CA5B: variants seen among roughly 807,000 people sequenced by gnomAD.
CA5B encodes the protein carbonic anhydrase 5B, mitochondrial.
CA5B carries 15 observed loss-of-function variants against 23.1 expected under a neutral mutation model. The ratio of observed to expected loss-of-function variants is 0.65; its 90% confidence interval spans 0.43 to 1.00. The LOEUF is 1.00. CA5B is among the 50% of genes least tolerant of loss of function. CA5B has a pLI of 0.00. For missense variants in CA5B, 236 were observed against 252.2 expected, an observed-to-expected ratio of 0.94 and a Z score of 0.43; for synonymous variants, 84 against 98.5, an observed-to-expected ratio of 0.85 and a Z score of 0.87.
intron 3 of CA5B, chrX:15,769,729 CAG>C (rs1286269026): frequency 3.3e-6 from 1 of 307,665 alleles, no homozygotes. Context: ...AGGAAATTTA[CAG>C]AGTTGTGCAA....
intron 1 of CA5B, among the ~76,000 whole-genome samples, chrX:15,739,402 G>A (rs1467473637): frequency 9.1e-6 from 1 of 110,001 alleles, no homozygotes; most frequent in Non-Finnish European, 1.9e-5. Flanking sequence ...TCTTGGGTAT[G>A]TTGGAAGTGG....
chrX:15,778,304 A>T (rs1352818964), intron 7 of CA5B, among the ~76,000 whole-genome samples: 1 of 111,977 alleles, frequency 8.9e-6, no homozygotes, highest in Non-Finnish European at 1.9e-5. Flanking sequence ...TTCTCCATGA[A>T]TTATTTATTC....
At chrX:15,753,947 T>G (rs1053526939) in intron 2 of CA5B, among the ~76,000 whole-genome samples, 1 of 112,392 alleles carries the variant, frequency 8.9e-6, no homozygotes, top group African/African-American at 3.2e-5. Flanking sequence ...TAAAATACTT[T>G]GATTTCTTTC....
chrX:15,776,403 C>T (rs915539862), intron 6 of CA5B, among the ~76,000 whole-genome samples: 1 of 110,109 alleles, frequency 9.1e-6, no homozygotes, highest in Non-Finnish European at 1.9e-5. Flanking sequence ...ATGCACTGGC[C>T]GCTGTCTAAA....
In CA5B at chrX:15,775,799, T is replaced by C. The variant is rs55928466; in HGVS notation, c.618+491T>C. The stretch of plus-strand genomic sequence containing the variant: ...CTCTCTGGAGGCCCATATATTCTCT[T>C]CTTCTCCCTCTCATCCCCCACTGTA... On this transcript the variant is annotated intron_variant, in intron 6 of 7. Transcript: ENST00000318636. The C allele has an allele frequency of 1.6e-3, 1,214 of 739,188 alleles. 1 individual carries two copies. Among genetic ancestry groups the C allele is most frequent in the Non-Finnish European group, 1.9e-3 (1,186 of 628,178 alleles). The allele number at this position is 739,188 out of a possible 1,213,427, so 60.9% of individuals were successfully genotyped here. A position where few individuals can be genotyped will look rare whatever the true frequency, so the allele number is the denominator to read the frequency against.
chrX:15,754,319 A>G (rs1472542622), intron 2 of CA5B, among the ~76,000 whole-genome samples: 1 of 112,879 alleles, frequency 8.9e-6, no homozygotes, highest in Non-Finnish European at 1.9e-5. Flanking sequence ...TACAGTTGTT[A>G]TCATCATCAT....
chrX:15,738,640 C>T (rs1931058100), intron 1 of CA5B, among the ~76,000 whole-genome samples: 1 of 111,164 alleles, frequency 9.0e-6, no homozygotes, highest in South Asian at 3.8e-4. Flanking sequence ...AACAGCTGTT[C>T]CAGAGAAAAG....
At chrX:15,781,126 A>G (rs1443339172) in intron 7 of CA5B, among the ~76,000 whole-genome samples, 6 of 110,430 alleles carry the variant, frequency 5.4e-5, no homozygotes, top group Non-Finnish European at 1.1e-4. Flanking sequence ...TACAGGCATG[A>G]GCCACCACGC....
intron 2 of CA5B, among the ~76,000 whole-genome samples, chrX:15,763,412 A>C (rs1370291253): frequency 8.9e-6 from 1 of 112,561 alleles, no homozygotes; most frequent in Non-Finnish European, 1.9e-5. Flanking sequence ...TCATTTATGA[A>C]TACCCTATTT....
intron 2 of CA5B, among the ~76,000 whole-genome samples, chrX:15,750,690 GAATT>G (rs1569274453): frequency 8.9e-6 from 1 of 112,343 alleles, no homozygotes; most frequent in Non-Finnish European, 1.9e-5. Flanking sequence ...AGGAATTACT[GAATT>G]AATTCTAGCT....
At chrX:15,756,910 C>T (rs752770323) in intron 2 of CA5B, among the ~76,000 whole-genome samples, 11 of 106,484 alleles carry the variant, frequency 1.0e-4, no homozygotes, top group Non-Finnish European at 1.7e-4. Context: ...AAAATTTAGC[C>T]GGGTGTGGTG....
At chrX:15,748,310 G>C (rs887833028) in intron 1 of CA5B, among the ~76,000 whole-genome samples, 1 of 111,768 alleles carries the variant, frequency 8.9e-6, no homozygotes, top group Admixed American at 9.5e-5. Flanking sequence ...AATTTTACAG[G>C]CTGCTCTTTG....
intron 1 of CA5B, among the ~76,000 whole-genome samples, chrX:15,748,037 G>A (rs1931272884): frequency 9.0e-6 from 1 of 111,558 alleles, no homozygotes; most frequent in Non-Finnish European, 1.9e-5. Context: ...GATTTACATA[G>A]GGGCCACAGA....
At chrX:15,764,436 C>T (rs994573289) in intron 2 of CA5B, 142 bp from the exon 3 acceptor site, 28 of 918,579 alleles carry the variant, frequency 3.0e-5, no homozygotes, top group African/African-American at 6.0e-5. Flanking sequence ...GACAGGGTTT[C>T]GCCGTGTTTC....
rs1275027262 is a variant in CA5B, at chrX:15,783,795, A to T, written c.*1131A>T. The T allele has an allele frequency of 2.1e-5, 1 of 48,449 alleles. No homozygotes were observed. The highest frequency in any genetic ancestry group is 7.9e-5 in the African/African-American group (1 of 12,617). 4.0% of individuals were successfully genotyped at this position (48,449 alleles called of 1,213,427 possible). On this transcript the variant is annotated 3_prime_UTR_variant, in exon 8 of 8. Transcript: ENST00000318636. ...AACAGAGTGAGACTCTGTGTCTAAT[A>T]AAAAAAAAAAAAGAAAAGAAAAGAA... is the stretch of plus-strand genomic sequence containing the variant.
chrX:15,760,547 C>G (rs1476345431), intron 2 of CA5B, among the ~76,000 whole-genome samples: 2 of 111,652 alleles, frequency 1.8e-5, no homozygotes, highest in East Asian at 5.6e-4. Context: ...CTGGTATTTG[C>G]ATGAGTGTGA....
intron 2 of CA5B, among the ~76,000 whole-genome samples, chrX:15,760,505 G>A (rs1358857676): frequency 9.0e-6 from 1 of 111,623 alleles, no homozygotes; most frequent in African/African-American, 3.3e-5. Context: ...TCATTAAAGA[G>A]CAATTGAAGG....
At chrX:15,744,110 G>A (rs1424733034) in intron 1 of CA5B, among the ~76,000 whole-genome samples, 4 of 112,383 alleles carry the variant, frequency 3.6e-5, no homozygotes, top group Non-Finnish European at 7.5e-5. Flanking sequence ...CAGTCTGGAT[G>A]TACAGGAGAA....
intron 1 of CA5B, among the ~76,000 whole-genome samples, chrX:15,747,873 G>C (rs1176062258): frequency 1.8e-5 from 2 of 108,673 alleles, no homozygotes; most frequent in South Asian, 7.6e-4. Flanking sequence ...GTTCAGGAGA[G>C]GAAAGTTTAA....
Sources: allele counts gnomAD v4.1 joint callset (sites outside exome capture counted in the v4.1 genomes callset), GRCh38; gene constraint gnomAD v4.1.1; transcripts MANE v1.5; gene names NCBI Gene and HGNC (gene_info 2026-07-23, HGNC 2026-07-21).